The following THSD1 variants were observed in gnomAD, a reference collection of about 807,000 sequenced individuals.
The protein encoded by THSD1 is thrombospondin type-1 domain-containing protein 1.
In THSD1, 34 loss-of-function variants were observed where a neutral mutation model predicts 46.3. That is an observed-to-expected ratio of 0.74 (90% CI 0.56 to 0.98). The LOEUF is 0.98. THSD1 is among the 50% of genes least tolerant of loss of function. THSD1 has a pLI of 0.00. For synonymous variants in THSD1, 407 were observed against 416.5 expected (o/e 0.98, Z 0.28); for missense variants, 1,023 against 1,058.3 (o/e 0.97, Z 0.46).
intron 3 of THSD1, among the ~76,000 whole-genome samples, chr13:52,391,628 C>T (rs1273379023): frequency 1.3e-5 from 2 of 151,908 alleles, no homozygotes; most frequent in African/African-American, 4.8e-5. Flanking sequence ...ACTGCAACCT[C>T]TGCTTCCCAG....
At chr13:52,391,988 C>T (rs1435052163) in intron 3 of THSD1, among the ~76,000 whole-genome samples, 4 of 151,706 alleles carry the variant, frequency 2.6e-5, no homozygotes, top group Non-Finnish European at 5.9e-5. Flanking sequence ...GTCAGGAGTT[C>T]GAGACCATCC....
At chr13:52,379,534 C>T (rs772961677) in intron 4 of THSD1, among the ~76,000 whole-genome samples, 4 of 152,042 alleles carry the variant, frequency 2.6e-5, no homozygotes, top group Non-Finnish European at 4.4e-5. Context: ...CACAGTGGCA[C>T]GATCTCGGCT....
chr13:52,391,709 A>T (rs1043944337), intron 3 of THSD1, among the ~76,000 whole-genome samples: 1 of 151,642 alleles, frequency 6.6e-6, no homozygotes, highest in Non-Finnish European at 1.5e-5. Flanking sequence ...ATGCCCGGCT[A>T]ATTTTTGTAT....
chr13:52,388,328 G>C (rs1397604426), intron 3 of THSD1, among the ~76,000 whole-genome samples: 1 of 152,074 alleles, frequency 6.6e-6, no homozygotes, highest in Admixed American at 6.5e-5. Context: ...TGGGCAGAAA[G>C]AAAATGTTAC....
chr13:52,402,982 G>C, intron 1 of THSD1: 8 of 982,230 alleles, frequency 8.1e-6, no homozygotes, highest in Non-Finnish European at 9.7e-6. Flanking sequence ...ATTGTTATTT[G>C]CTTAATTTTA....
intron 3 of THSD1, among the ~76,000 whole-genome samples, chr13:52,396,177 G>T (rs1957808787): frequency 6.6e-6 from 1 of 152,086 alleles, no homozygotes; most frequent in African/African-American, 2.4e-5. Flanking sequence ...GAACACTGGG[G>T]GTTACAAAGT....
chr13:52,395,423 G>A (rs1957803864), intron 3 of THSD1, among the ~76,000 whole-genome samples: 1 of 152,116 alleles, frequency 6.6e-6, no homozygotes, highest in African/African-American at 2.4e-5. Context: ...GATGGTTGGT[G>A]AAGTCCTACA....
rs1422226445 is a variant in THSD1, at chr13:52,377,844, A to T, written c.2126T>A (p.Leu709Gln). 5.0e-6 allele frequency: 8 copies of T among 1,614,004 alleles called. No homozygotes were observed. Among genetic ancestry groups the T allele is most frequent in the Admixed American group, 1.7e-5 (1 of 60,012 alleles). The change falls in exon 5 of 5, where the codon CTG (leucine) becomes CAG (glutamine). Residue 709 changes from leucine to glutamine, a missense_variant. By Grantham distance (113) the Leu-to-Gln change is moderately radical. Around this residue, in one of 3 missense-constraint regions of THSD1, gnomAD observed 578 missense variants for 497.4 expected, o/e 1.16. Coordinates refer to ENST00000258613, the MANE Select transcript of THSD1 (RefSeq NM_018676.4). The stretch of plus-strand genomic sequence containing the variant: ...TCCACTTGCCTCTTGGAAATGCTCC[A>T]GTTTTTCAGGAAACAGGTGGGCACC... ...SRGAHLFPEK[L>Q]EHFQEASGTR...
At chr13:52,385,324 ATTCAG>A (rs766692269) in intron 4 of THSD1, among the ~76,000 whole-genome samples, 4 of 152,184 alleles carry the variant, frequency 2.6e-5, no homozygotes, top group Non-Finnish European at 5.9e-5. Context: ...AGCAAGGACT[ATTCAG>A]TGTGTAACTC....
At chr13:52,394,708 TCAG>T (rs1370765757) in intron 3 of THSD1, among the ~76,000 whole-genome samples, 1 of 152,150 alleles carries the variant, frequency 6.6e-6, no homozygotes, top group Admixed American at 6.6e-5. Flanking sequence ...AAATCTGAGT[TCAG>T]TTTTCACTTA....
intron 3 of THSD1, among the ~76,000 whole-genome samples, chr13:52,395,376 G>C (rs888367893): frequency 2.0e-5 from 3 of 152,166 alleles, no homozygotes; most frequent in African/African-American, 7.2e-5. Flanking sequence ...AGGAGGTAAA[G>C]AAGAGGAAGA....
intron 3 of THSD1, among the ~76,000 whole-genome samples, chr13:52,386,967 T>G (rs1957735887): frequency 2.0e-5 from 3 of 152,132 alleles, no homozygotes. Context: ...AGGCGCAGGA[T>G]CATCAAGAAG....
Position 52,385,964 on chromosome 13 carries a change from G to A in THSD1, c.1180+64C>T, listed in dbSNP as rs944285698. ...GACTGGTAACTCTCAGGCAGGCCTG[G>A]GTTCAATATTCCTTCTGATGAAGGC... On this transcript the variant is annotated intron_variant, in intron 4 of 4. Transcript: ENST00000258613. 74 of 1,499,150 alleles carry A rather than the reference G, an allele frequency of 4.9e-5. No homozygotes were observed. In the Admixed American group the frequency reaches 1.4e-3, roughly 29 times the overall value. 92.9% of individuals were successfully genotyped at this position (1,499,150 alleles called of 1,614,324 possible).
intron 3 of THSD1, among the ~76,000 whole-genome samples, chr13:52,395,151 G>T (rs1252559357): frequency 6.6e-6 from 1 of 152,184 alleles, no homozygotes; most frequent in African/African-American, 2.4e-5. Context: ...GTTTTAAGAA[G>T]GAGAATAGCC....
intron 1 of THSD1, among the ~76,000 whole-genome samples, chr13:52,403,336 C>T (rs186623193): frequency 1.4e-3 from 212 of 152,304 alleles, no homozygotes; most frequent in South Asian, 3.1e-3. Flanking sequence ...TAACAATCAT[C>T]TTCATCAGTC....
At position 52,400,443 on chromosome 13, in the gene THSD1, C is replaced by G. The variant is rs147599420; in HGVS notation, c.58+2100G>C. 8.9e-3 allele frequency among the ~76,000 whole-genome samples: 1,351 copies of G among 152,102 alleles called. 17 individuals are homozygous for G. The highest frequency in any genetic ancestry group is 0.031 in the African/African-American group (1,291 of 41,486). On this transcript the variant is annotated intron_variant, in intron 2 of 4. Transcript: ENST00000258613. The stretch of plus-strand genomic sequence containing the variant: ...TGAAACCCTGAATCTACTAAAAATA[C>G]AAAAATTAGCTGGGCATGGTGATGG...
chr13:52,385,337 C>T (rs536208996), intron 4 of THSD1, among the ~76,000 whole-genome samples: 1 of 152,184 alleles, frequency 6.6e-6, no homozygotes, highest in African/African-American at 2.4e-5. Flanking sequence ...CAGTGTGTAA[C>T]TCATGGTAAA....
At chr13:52,383,110 C>G (rs1181870787) in intron 4 of THSD1, among the ~76,000 whole-genome samples, 1 of 152,012 alleles carries the variant, frequency 6.6e-6, no homozygotes, top group Non-Finnish European at 1.5e-5. Flanking sequence ...ATTGCAGGCC[C>G]TATAATATTG....
intron 3 of THSD1, among the ~76,000 whole-genome samples, chr13:52,395,686 A>G (rs1957805341): frequency 6.6e-6 from 1 of 152,144 alleles, no homozygotes; most frequent in South Asian, 2.1e-4. Flanking sequence ...AGAAGCAAGC[A>G]GGGAGGTGGG....
Sources: gnomAD v4.1 joint callset for allele counts (sites outside exome capture counted in the v4.1 genomes callset) on GRCh38, gnomAD v4.1.1 for gene constraint, gnomAD v4.1.1 regional missense constraint, MANE v1.5 for transcripts, NCBI Gene and HGNC (gene_info 2026-07-23, HGNC 2026-07-21) for gene names.